Variants in CPSF2 observed in about 807,000 individuals in gnomAD.
CPSF2 encodes the protein cleavage and polyadenylation specificity factor subunit 2.
A neutral mutation model predicts 84.2 loss-of-function variants in CPSF2; 51 were observed. That is an observed-to-expected ratio of 0.61 (90% CI 0.48 to 0.77). CPSF2 has a LOEUF of 0.77. Ranked by LOEUF, CPSF2 falls within the 30% of genes least tolerant of loss-of-function variation. CPSF2 has a pLI of 0.00. For synonymous variants in CPSF2, 286 were observed against 311.9 expected, an observed-to-expected ratio of 0.92 and a Z score of 0.87; for missense variants, 641 against 929.4, an observed-to-expected ratio of 0.69 and a Z score of 4.03.
intron 9 of CPSF2, among the ~76,000 whole-genome samples, chr14:92,149,190 A>C (rs1273980415): frequency 6.6e-6 from 1 of 152,138 alleles, no homozygotes; most frequent in Non-Finnish European, 1.5e-5. Context: ...GTGGTGCATA[A>C]AGTGCTTACA....
intron 11 of CPSF2, among the ~76,000 whole-genome samples, chr14:92,156,091 C>A (rs772172726): frequency 7.2e-5 from 11 of 152,086 alleles, no homozygotes; most frequent in Non-Finnish European, 1.3e-4. Context: ...AGTTCAGGAC[C>A]AGCCTGGCCA....
intron 9 of CPSF2, among the ~76,000 whole-genome samples, chr14:92,145,864 A>G (rs1272986395): frequency 6.6e-6 from 1 of 152,218 alleles, no homozygotes; most frequent in Non-Finnish European, 1.5e-5. Context: ...GCTGATGCTC[A>G]GGGACCTTTT....
chr14:92,138,942 T>A (rs763074560), intron 7 of CPSF2, among the ~76,000 whole-genome samples: 6 of 152,236 alleles, frequency 3.9e-5, no homozygotes, highest in Non-Finnish European at 8.8e-5. Context: ...AAAAAAATAT[T>A]ATGTGACCAT....
rs1002200634 is a variant in CPSF2, at chr14:92,171,192, T to A, written c.*9448T>A. The A allele has an allele frequency of 2.6e-5, 4 of 152,176 alleles. No homozygotes were observed. Among genetic ancestry groups the A allele is most frequent in the African/African-American group, 9.7e-5 (4 of 41,418 alleles). 9.4% of individuals were successfully genotyped at this position (152,176 alleles called of 1,614,324 possible). On this transcript the variant is annotated 3_prime_UTR_variant, in exon 16 of 16. Coordinates refer to ENST00000298875, the MANE Select transcript of CPSF2 (RefSeq NM_017437.3). The stretch of plus-strand genomic sequence containing the variant: ...CCCAGGCTACAGTGCAGTGATGAGA[T>A]CATAGCCCACTGCAGCCTCAAACTC...
chr14:92,152,978 A>G (rs1180301048), intron 9 of CPSF2, among the ~76,000 whole-genome samples: 1 of 150,130 alleles, frequency 6.7e-6, no homozygotes, highest in Non-Finnish European at 1.5e-5. Context: ...CATTGCTGCA[A>G]TGTACGAATG....
intron 9 of CPSF2, among the ~76,000 whole-genome samples, chr14:92,150,404 G>A (rs755719137): frequency 1.3e-5 from 2 of 151,556 alleles, no homozygotes; most frequent in African/African-American, 4.8e-5. Flanking sequence ...TTACAGGCGC[G>A]AGTCACCGCA....
Position 92,134,020 on chromosome 14 carries a change from C to A in CPSF2, c.159C>A (p.His53Gln). Residue 53 changes from histidine to glutamine, a missense_variant, in exon 4 of 16, where the codon CAC becomes CAA. This residue lies in a region of CPSF2 where 211 missense variants were observed against 375.7 expected (regional missense o/e 0.56). Coordinates refer to ENST00000298875, the MANE Select transcript of CPSF2 (RefSeq NM_017437.3). Reference protein sequence around the residue: ...DIIDSLRKHVHQIDAVLLSHP... With the variant: ...DIIDSLRKHVQQIDAVLLSHP... ...GATTGTGTTCTTGTAGGCATGTTCA[C>A]CAGATTGATGCAGTGCTGTTGTCTC... is the stretch of plus-strand genomic sequence containing the variant. 1 of 1,614,026 alleles carries A rather than the reference C, an allele frequency of 6.2e-7. No homozygotes were observed.
chr14:92,157,895 C>G lies in CPSF2; in HGVS notation c.1821+11C>G. 1.3e-6 allele frequency: 2 copies of G among 1,574,276 alleles called. No homozygotes were observed. The highest frequency in any genetic ancestry group is 1.7e-6 in the Non-Finnish European group (2 of 1,143,882). ...ACTCACATCTACCAGGTAAACATGC[C>G]AGGAGTTGCCATTGAGTAGAAATAA... is the stretch of plus-strand genomic sequence containing the variant. On this transcript the variant is annotated intron_variant, in intron 13 of 15. Coordinates refer to ENST00000298875, the MANE Select transcript of CPSF2 (RefSeq NM_017437.3). This position sits in a 1 kb window ranked among gnomAD's most constrained non-coding sequence, Gnocchi z 4.0.
chr14:92,161,220 T>C lies in CPSF2; in HGVS notation c.2230T>C (p.Cys744Arg). The change falls in exon 15 of 16, where the codon TGC (cysteine) becomes CGC (arginine). Residue 744 changes from cysteine (C) to arginine (R), a missense_variant. Cys to Arg is a radical substitution (Grantham distance 180). Coordinates refer to ENST00000298875, the MANE Select transcript of CPSF2 (RefSeq NM_017437.3). ...TGAATTTGTAGGAGGTGTACTTGTT[T>C]GCAACAATCAAGTAGCAGTCCGCAG... is the stretch of plus-strand genomic sequence containing the variant. ...QAEFVGGVLVCNNQVAVRRTE... is the reference protein window; with the variant it reads ...QAEFVGGVLVRNNQVAVRRTE... 8 of 1,612,680 alleles carry C rather than the reference T, an allele frequency of 5.0e-6. No individual in the cohort carries two copies. The highest frequency in any genetic ancestry group is 6.8e-6 in the Non-Finnish European group (8 of 1,179,492).
chr14:92,151,414 A>C, intron 9 of CPSF2, among the ~76,000 whole-genome samples: 1 of 151,232 alleles, frequency 6.6e-6, no homozygotes, highest in East Asian at 2.0e-4. Context: ...AAACAAAACA[A>C]AAAACAAGAG....
intron 2 of CPSF2, 25 bp from the exon 3 acceptor site, chr14:92,130,926 A>G (rs1406655840): frequency 3.5e-6 from 5 of 1,440,950 alleles, no homozygotes; most frequent in Non-Finnish European, 4.8e-6. Context: ...TTTATGTTTA[A>G]TTATGTTTTC....
rs779930484 is a variant in CPSF2 at position 92,157,337 on chromosome 14, A to G, written c.1596-322A>G. ...AGCCTGGCCAACATGGTGAAATCTC[A>G]TCTCTACTGAAAATGCAAAATTATC... On this transcript the variant is annotated intron_variant, in intron 12 of 15. Coordinates refer to ENST00000298875, the MANE Select transcript of CPSF2 (RefSeq NM_017437.3). The surrounding 1 kb of genome is among the most constrained non-coding windows in gnomAD (Gnocchi z 4.0). 3.3e-5 allele frequency among the ~76,000 whole-genome samples: 5 copies of G among 151,870 alleles called. No individual in the cohort carries two copies. The highest frequency in any genetic ancestry group is 7.4e-5 in the Non-Finnish European group (5 of 67,950).
In CPSF2 at chr14:92,122,856, T is replaced by TC. The variant is rs1278839194; in HGVS notation, c.-94+728_-94+729insC. On this transcript the variant is annotated intron_variant, in intron 1 of 15. Transcript: ENST00000298875. ...TTAACCCCTTTCTTTTTTCTTTCTT[T>TC]TTTTTTTTTTTTAATAAAGACGGGG... Among the ~76,000 whole-genome samples the TC allele has an allele frequency of 9.3e-5, 14 of 149,878 alleles. No homozygotes were observed. In the East Asian group the frequency reaches 1.5e-3, roughly 17 times the overall value.
At chr14:92,161,393 G>A in intron 15 of CPSF2, 147 bp downstream of exon 15, 2 of 910,232 alleles carry the variant, frequency 2.2e-6, no homozygotes, top group Non-Finnish European at 1.6e-6. Flanking sequence ...GCTTACAGAA[G>A]TCTTATTGAC....
chr14:92,124,399 C>T (rs1009264377), intron 1 of CPSF2, among the ~76,000 whole-genome samples: 3 of 152,236 alleles, frequency 2.0e-5, no homozygotes, highest in African/African-American at 7.2e-5. Context: ...GGAGGCAGGA[C>T]ATAAAGGAGG....
At position 92,165,852 on chromosome 14, in the gene CPSF2, A is replaced by ATTTTTTTTTTT. The variant is rs1222722128; in HGVS notation, c.*4109_*4110insTTTTTTTTTTT. Reference sequence around the variant, plus strand: ...TTCAGTTCTTTGTGCTTGGTTTTATATCTTTTTTTTTTTTTTTTTTTTTTT... The same window carrying ATTTTTTTTTTT: ...TTCAGTTCTTTGTGCTTGGTTTTATATTTTTTTTTTTTCTTTTTTTTTTTTTTTTTTTTTTT... On this transcript the variant is annotated 3_prime_UTR_variant, in exon 16 of 16. Transcript: ENST00000298875. 7.4e-5 allele frequency: 4 copies of ATTTTTTTTTTT among 53,914 alleles called. No individual in the cohort carries two copies. The highest frequency in any genetic ancestry group is 1.9e-4 in the Admixed American group (1 of 5,208). 3.3% of individuals were successfully genotyped at this position (53,914 alleles called of 1,614,324 possible).
chr14:92,154,339 G>A lies in CPSF2; in HGVS notation c.1141-19G>A. On this transcript the variant is annotated intron_variant, in intron 9 of 15. Coordinates refer to ENST00000298875, the MANE Select transcript of CPSF2 (RefSeq NM_017437.3). ...TATTAACATATTAACATTTCCTTTT[G>A]TCTTTTATTTTTTTTTAGTTGAGGA... 1 of 1,564,522 alleles carries A rather than the reference G, an allele frequency of 6.4e-7. No individual in the cohort carries two copies. Among genetic ancestry groups the A allele is most frequent in the Non-Finnish European group, 8.7e-7 (1 of 1,150,330 alleles).
At chr14:92,145,937 G>A (rs2069137442) in intron 9 of CPSF2, among the ~76,000 whole-genome samples, 1 of 152,078 alleles carries the variant, frequency 6.6e-6, no homozygotes, top group Admixed American at 6.5e-5. Context: ...TTATCTAGCA[G>A]TTTTCCCTCT....
intron 9 of CPSF2, among the ~76,000 whole-genome samples, chr14:92,144,278 C>CA (rs1183448263): frequency 6.6e-6 from 1 of 152,166 alleles, no homozygotes; most frequent in African/African-American, 2.4e-5. Context: ...TGGTTCTTCT[C>CA]AGTTACTTGG....
Sources: gnomAD v4.1 joint callset for allele counts (sites outside exome capture counted in the v4.1 genomes callset) on GRCh38, gnomAD v4.1.1 for gene constraint, gnomAD v4.1.1 regional missense constraint, Gnocchi (gnomAD v3.1) non-coding constraint, MANE v1.5 for transcripts, NCBI Gene and HGNC (gene_info 2026-07-23, HGNC 2026-07-21) for gene names.